The following CPN1 variants were observed in gnomAD, a reference collection of about 807,000 sequenced individuals.
CPN1 encodes carboxypeptidase N catalytic chain.
In CPN1, 37 loss-of-function variants were observed where a neutral mutation model predicts 46.4. The ratio of observed to expected loss-of-function variants is 0.80; its 90% CI spans 0.61 to 1.05. CPN1 has a LOEUF of 1.05. Among genes scored for constraint, CPN1 ranks in the 50% least tolerant of loss-of-function variants. The probability of loss-of-function intolerance (pLI) is 0.00; values close to 1 mark genes in which losing one functional copy is unlikely to be tolerated. For synonymous variants in CPN1, 224 were observed against 235.4 expected (o/e 0.95, Z 0.44); for missense variants, 563 against 602.6 (o/e 0.93, Z 0.69).
intron 1 of CPN1, among the ~76,000 whole-genome samples, chr10:100,079,930 A>C (rs1248244785): frequency 6.6e-6 from 1 of 152,012 alleles, no homozygotes; most frequent in Non-Finnish European, 1.5e-5. Context: ...ACTAAAAATA[A>C]AAAAAATTAG....
Position 100,069,853 on chromosome 10 carries a change from C to A in CPN1, c.437G>T (p.Gly146Val). 2 of 1,613,734 alleles carry A rather than the reference C, an allele frequency of 1.2e-6. No individual in the cohort carries two copies. The highest frequency in any genetic ancestry group is 1.7e-6 in the Non-Finnish European group (2 of 1,179,976). ...TGCATTGTTCCTGCCAACTAGATACCCAGGCTTGTTTGGGCCCTAAAGGAA... is the reference window on the plus strand; with the variant it reads ...TGCATTGTTCCTGCCAACTAGATACACAGGCTTGTTTGGGCCCTAAAGGAA... The part of the protein sequence containing the change: ...VAAAQGPNKP[G>V]YLVGRNNANG... Residue 146 changes from glycine (G) to valine (V), a missense_variant, in exon 3 of 9, where the codon GGG (glycine) becomes GTG (valine). Coordinates refer to ENST00000370418, the MANE Select transcript of CPN1 (RefSeq NM_001308.3).
intron 5 of CPN1, among the ~76,000 whole-genome samples, chr10:100,057,664 G>A (rs1014237079): frequency 7.9e-5 from 12 of 152,036 alleles, no homozygotes; most frequent in African/African-American, 2.2e-4. Context: ...ATAAATTTTC[G>A]TTCATTTTGG....
chr10:100,045,443 A>G (rs2041302427), intron 8 of CPN1, among the ~76,000 whole-genome samples: 1 of 152,222 alleles, frequency 6.6e-6, no homozygotes, highest in African/African-American at 2.4e-5. Flanking sequence ...AGCAGAAGTA[A>G]TTTACATTAT....
chr10:100,046,292 A>G (rs1167715319), intron 8 of CPN1, among the ~76,000 whole-genome samples: 1 of 152,194 alleles, frequency 6.6e-6, no homozygotes, highest in Non-Finnish European at 1.5e-5. Flanking sequence ...TCTTAAAGAA[A>G]CCATCAGATT....
At chr10:100,047,888 AG>A (rs1377404995) in intron 8 of CPN1, among the ~76,000 whole-genome samples, 2 of 152,144 alleles carry the variant, frequency 1.3e-5, no homozygotes, top group Non-Finnish European at 2.9e-5. Context: ...GCTACTCAAG[AG>A]GCTGAGGCAG....
rs1440201476 is a variant in CPN1 at position 100,048,761 on chromosome 10, C to T, written c.1227G>A (p.Thr409=). 6.2e-6 allele frequency: 10 copies of T among 1,609,750 alleles called. No homozygotes were observed. Among genetic ancestry groups the T allele is most frequent in the South Asian group, 3.3e-5 (3 of 90,974 alleles). Residue 409 remains threonine (T), a synonymous_variant, in exon 8 of 9, where the codon ACG becomes ACA. Coordinates refer to ENST00000370418, the MANE Select transcript of CPN1 (RefSeq NM_001308.3). Reference sequence around the variant, plus strand: ...CGTCAAGCTCAGCCTAACTCACCAACGTTGGTTCCGCAGGACCCACGGTCA... The same window carrying T: ...CGTCAAGCTCAGCCTAACTCACCAATGTTGGTTCCGCAGGACCCACGGTCA... ...VTVTVGPAEP[T]LVNFHLKRSI... is the part of the protein sequence containing the mutation.
chr10:100,061,481 G>A (rs1229691410), intron 5 of CPN1, among the ~76,000 whole-genome samples: 1 of 152,222 alleles, frequency 6.6e-6, no homozygotes, highest in African/African-American at 2.4e-5. Flanking sequence ...CACCCTCAGA[G>A]TTTCTGATTC....
intron 1 of CPN1, among the ~76,000 whole-genome samples, chr10:100,079,375 G>T (rs146261415): frequency 2.0e-5 from 3 of 152,342 alleles, no homozygotes; most frequent in Non-Finnish European, 4.4e-5. Context: ...GAATGAATGG[G>T]TGAATAGCAG....
chr10:100,065,714 A>G (rs1313833563), intron 3 of CPN1, among the ~76,000 whole-genome samples: 1 of 152,098 alleles, frequency 6.6e-6, no homozygotes, highest in Non-Finnish European at 1.5e-5. Context: ...TAGAATGCAC[A>G]ATACCAAGAG....
intron 7 of CPN1, 122 bp downstream of exon 7, chr10:100,054,225 C>A (rs1332125156): frequency 1.4e-5 from 11 of 769,198 alleles, no homozygotes; most frequent in South Asian, 8.5e-5. Context: ...TCCATCCCCC[C>A]CACTCCCAGC....
intron 2 of CPN1, among the ~76,000 whole-genome samples, chr10:100,073,362 C>T (rs1278840092): frequency 6.6e-6 from 1 of 152,158 alleles, no homozygotes; most frequent in African/African-American, 2.4e-5. Flanking sequence ...CACTGATTTC[C>T]CTGCACACTG....
At chr10:100,049,014 A>AG (rs766972257) in intron 7 of CPN1, 138 bp from the exon 8 acceptor site, 56 of 641,064 alleles carry the variant, frequency 8.7e-5, no homozygotes, top group Admixed American at 1.6e-4. Flanking sequence ...GCTGGAGTGA[A>AG]GTGGTGTGAT....
At chr10:100,055,356 C>T (rs141552874) in intron 6 of CPN1, among the ~76,000 whole-genome samples, 2 of 151,826 alleles carry the variant, frequency 1.3e-5, no homozygotes, top group Middle Eastern at 3.4e-3. Context: ...TTATCCCCCC[C>T]CCCAGCCCCT....
At position 100,065,268 on chromosome 10, in the gene CPN1, C is replaced by G; in HGVS notation, c.679G>C (p.Asp227His). 1 of 1,614,028 alleles carries G rather than the reference C, an allele frequency of 6.2e-7. No homozygotes were observed. The highest frequency in any genetic ancestry group is 8.5e-7 in the Non-Finnish European group (1 of 1,179,998). The change falls in exon 4 of 9, where the codon GAC (aspartate) becomes CAC (histidine). Residue 227 changes from aspartate to histidine, a missense_variant. Coordinates refer to ENST00000370418, the MANE Select transcript of CPN1 (RefSeq NM_001308.3). ...CGGACCCGGTGCTCAAAGGACTTGT[C>G]ATACGGGTAATTGGCCACCACCGCC... Reference protein sequence around the residue: ...GGAVVANYPYDKSFEHRVRGV... With the variant: ...GGAVVANYPYHKSFEHRVRGV...
Position 100,042,295 on chromosome 10 carries a change from G to A in CPN1, c.*132C>T. 7.9e-7 allele frequency: 1 copy of A among 1,261,058 alleles called. No homozygotes were observed. The allele number at this position is 1,261,058 out of a possible 1,614,324, so 78.1% of individuals were successfully genotyped here. ...GAGATGGCTTACCCCTGGAACAGATGGAGACCATTCTGAATTGTTCTGAAT... is the reference window on the plus strand; with the variant it reads ...GAGATGGCTTACCCCTGGAACAGATAGAGACCATTCTGAATTGTTCTGAAT... On this transcript the variant is annotated 3_prime_UTR_variant, in exon 9 of 9. Transcript: ENST00000370418.
chr10:100,053,119 C>CTAA (rs2041365126), intron 7 of CPN1, among the ~76,000 whole-genome samples: 1 of 152,316 alleles, frequency 6.6e-6, no homozygotes, highest in Admixed American at 6.5e-5. Context: ...AGACATTTGG[C>CTAA]TAATAGGCTC....
Position 100,057,196 on chromosome 10 carries a change from C to T in CPN1, c.872-44G>A, listed in dbSNP as rs1377666694. 4.4e-6 allele frequency: 7 copies of T among 1,602,018 alleles called. No individual in the cohort carries two copies. In the South Asian group the frequency reaches 6.6e-5, roughly 15 times the overall value. On this transcript the variant is annotated intron_variant, in intron 5 of 8. Transcript: ENST00000370418. The stretch of plus-strand genomic sequence containing the variant: ...CAGCAGATTTCCATAACCAGGTTCC[C>T]ACCCAATGCCCCATCTCATCTCTCT...
intron 1 of CPN1, among the ~76,000 whole-genome samples, chr10:100,077,914 C>T (rs1415500949): frequency 1.3e-5 from 2 of 152,122 alleles, no homozygotes; most frequent in Non-Finnish European, 2.9e-5. Context: ...AAAACAACAA[C>T]AACACTTTTT....
At chr10:100,055,717 T>C (rs930465485) in intron 6 of CPN1, among the ~76,000 whole-genome samples, 1 of 152,134 alleles carries the variant, frequency 6.6e-6, no homozygotes, top group African/African-American at 2.4e-5. Context: ...AAAGACAGGG[T>C]TTCTCCATGT....
Sources: allele counts gnomAD v4.1 joint callset (sites outside exome capture counted in the v4.1 genomes callset), GRCh38; gene constraint gnomAD v4.1.1; transcripts MANE v1.5; gene names NCBI Gene and HGNC (gene_info 2026-07-23, HGNC 2026-07-21).